UROS: variants seen among roughly 807,000 people sequenced by gnomAD.
UROS encodes uroporphyrinogen-III synthase.
UROS carries 18 observed loss-of-function variants against 33.0 expected under a neutral mutation model. The observed-to-expected ratio is 0.55, with a 90% CI of 0.38 to 0.81. UROS has a LOEUF of 0.81. Among genes scored for constraint, UROS ranks in the 30% least tolerant of loss-of-function variants. UROS has a pLI of 0.00. For missense variants in UROS, 293 were observed against 314.9 expected (o/e 0.93, Z 0.53); for synonymous variants, 114 against 121.1 (o/e 0.94, Z 0.38).
chr10:125,802,901 T>C, intron 6 of UROS: 3 of 1,594,946 alleles, frequency 1.9e-6, no homozygotes, highest in Non-Finnish European at 2.6e-6. Context: ...CCTCAGGGGC[T>C]TTCCCCACCG....
rs141175222 is a variant in UROS at position 125,790,540 on chromosome 10, A to G, written c.661-1535T>C. Reference sequence around the variant, plus strand: ...TTTGTATTTAGAGGCCAGGCATGGTAGCTCATGCCTGTAATCCCAGTACTT... The same window carrying G: ...TTTGTATTTAGAGGCCAGGCATGGTGGCTCATGCCTGTAATCCCAGTACTT... On this transcript the variant is annotated intron_variant, in intron 9 of 9. Transcript: ENST00000368797. Among the ~76,000 whole-genome samples, 690 of 152,120 alleles carry G rather than the reference A, an allele frequency of 4.5e-3. 3 individuals are homozygous for G. Among genetic ancestry groups the G allele is most frequent in the African/African-American group, 0.015 (638 of 41,516 alleles).
chr10:125,799,396 T>A (rs1851625144), intron 6 of UROS, among the ~76,000 whole-genome samples: 2 of 152,202 alleles, frequency 1.3e-5, no homozygotes, highest in Admixed American at 6.5e-5. Context: ...CGTTTCTGTG[T>A]GTCTATGTGT....
At chr10:125,794,841 AG>A (rs756000976) in intron 9 of UROS, 38 bp downstream of exon 9, 33 of 1,540,530 alleles carry the variant, frequency 2.1e-5, no homozygotes, top group Admixed American at 1.0e-4. Context: ...AAAAAAAAAA[AG>A]AATCTGAAAA....
At chr10:125,790,679 AG>A (rs1850860687) in intron 9 of UROS, among the ~76,000 whole-genome samples, 1 of 149,848 alleles carries the variant, frequency 6.7e-6, no homozygotes, top group Admixed American at 6.7e-5. Context: ...GCTACTTGGG[AG>A]GCTGAGGCAG....
intron 9 of UROS, chr10:125,791,474 T>C (rs1023889876): frequency 6.6e-6 from 1 of 152,164 alleles, no homozygotes; most frequent in African/African-American, 2.4e-5. Flanking sequence ...AATCTACTCC[T>C]AGATATACAC....
intron 9 of UROS, chr10:125,789,330 G>C: frequency 7.8e-7 from 1 of 1,278,850 alleles, no homozygotes; most frequent in Non-Finnish European, 1.0e-6. Flanking sequence ...TCTAGCTGCA[G>C]ACAGTTCTTC....
At chr10:125,819,463 A>G (rs1355555590) in intron 1 of UROS, among the ~76,000 whole-genome samples, 1 of 152,076 alleles carries the variant, frequency 6.6e-6, no homozygotes, top group Non-Finnish European at 1.5e-5. Context: ...AGGGATCTCT[A>G]TGCCTCGCTT....
intron 5 of UROS, among the ~76,000 whole-genome samples, chr10:125,809,966 T>C (rs1852661373): frequency 6.6e-6 from 1 of 152,224 alleles, no homozygotes; most frequent in Non-Finnish European, 1.5e-5. Context: ...CTCACTGGAC[T>C]TCCACACCGA....
At position 125,810,674 on chromosome 10, in the gene UROS, C is replaced by T. The variant is rs144734706; in HGVS notation, c.319+1540G>A. Reference sequence around the variant, plus strand: ...CCTCCCAGCTGTTGGTGCTCAACTTCTGATAACTCTCCAGGCTCCTGCTGA... The same window carrying T: ...CCTCCCAGCTGTTGGTGCTCAACTTTTGATAACTCTCCAGGCTCCTGCTGA... On this transcript the variant is annotated intron_variant, in intron 5 of 9. Transcript: ENST00000368797. Among the ~76,000 whole-genome samples the T allele has an allele frequency of 7.0e-4, 107 of 152,298 alleles. No homozygotes were observed. In the South Asian group the frequency reaches 0.01, roughly 15 times the overall value.
chr10:125,787,190 A>T (rs562263096), downstream of UROS, among the ~76,000 whole-genome samples: 17 of 152,366 alleles, frequency 1.1e-4, no homozygotes, highest in Non-Finnish European at 2.9e-5. Flanking sequence ...GCATGTAGAC[A>T]TTTAGTGAAC....
intron 5 of UROS, among the ~76,000 whole-genome samples, chr10:125,811,508 G>C (rs1480155142): frequency 1.3e-5 from 2 of 152,130 alleles, no homozygotes; most frequent in African/African-American, 4.8e-5. Context: ...CTTTTAATTA[G>C]CTTAGCAACT....
At chr10:125,819,279 G>A (rs1853638793) in intron 1 of UROS, among the ~76,000 whole-genome samples, 1 of 152,170 alleles carries the variant, frequency 6.6e-6, no homozygotes, top group African/African-American at 2.4e-5. Context: ...ACTGCACCCG[G>A]CCTAAAGTTT....
intron 6 of UROS, chr10:125,803,060 A>T: frequency 6.2e-7 from 1 of 1,612,810 alleles, no homozygotes; most frequent in Non-Finnish European, 8.5e-7. Flanking sequence ...TTGGACTTGG[A>T]CTAAGTATCT....
intron 8 of UROS, chr10:125,795,368 G>A: frequency 3.3e-6 from 1 of 302,184 alleles, no homozygotes; most frequent in South Asian, 3.5e-5. Context: ...TGGAAGCAGA[G>A]CAAGCAGACA....
chr10:125,816,044 C>A, intron 3 of UROS, 133 bp downstream of exon 3: 1 of 945,522 alleles, frequency 1.1e-6, no homozygotes, highest in Non-Finnish European at 1.7e-6. Flanking sequence ...CTCCTGGAGC[C>A]AGGTGAAGTT....
chr10:125,786,942 G>A (rs1229494002), downstream of UROS, among the ~76,000 whole-genome samples: 1 of 152,186 alleles, frequency 6.6e-6, no homozygotes, highest in Non-Finnish European at 1.5e-5. Context: ...AATTGCCAAA[G>A]CAAGCCCAGG....
intron 7 of UROS, 101 bp from the exon 8 acceptor site, chr10:125,796,289 C>T (rs1483247043): frequency 3.4e-6 from 4 of 1,177,768 alleles, no homozygotes; most frequent in South Asian, 1.2e-5. Flanking sequence ...AATACAGCAC[C>T]ACCCTCCTGG....
At chr10:125,804,691 T>C (rs935832173) in intron 6 of UROS, among the ~76,000 whole-genome samples, 2 of 152,192 alleles carry the variant, frequency 1.3e-5, no homozygotes, top group African/African-American at 4.8e-5. Context: ...CATTGGAGAA[T>C]TGGTCATTGA....
chr10:125,787,938 C>T (rs190583978), downstream of UROS, among the ~76,000 whole-genome samples: 320 of 149,126 alleles, frequency 2.1e-3, no homozygotes, highest in Non-Finnish European at 3.6e-3. Flanking sequence ...TTCTGCCACT[C>T]ACTAGCATGT....
Sources: allele counts gnomAD v4.1 joint callset (sites outside exome capture counted in the v4.1 genomes callset), GRCh38; gene constraint gnomAD v4.1.1; transcripts MANE v1.5; gene names NCBI Gene and HGNC (gene_info 2026-07-23, HGNC 2026-07-21).